CCDC6: variants seen among roughly 807,000 people sequenced by gnomAD.
CCDC6 encodes coiled-coil domain-containing protein 6.
CCDC6 carries 20 observed loss-of-function variants against 56.6 expected under a neutral mutation model. The observed-to-expected ratio is 0.35, with a 90% confidence interval of 0.25 to 0.51. The LOEUF (loss-of-function observed/expected upper bound fraction) is 0.51, where lower values mean the gene tolerates loss of function less well. CCDC6 is among the 20% of genes least tolerant of loss of function. CCDC6 has a pLI of 0.95. For synonymous variants in CCDC6, 241 were observed against 234.4 expected (o/e 1.03, Z -0.26); for missense variants, 367 against 601.1 (o/e 0.61, Z 4.07).
chr10:59,905,632 G>C (rs1269812171), intron 1 of CCDC6, among the ~76,000 whole-genome samples: 4 of 152,132 alleles, frequency 2.6e-5, no homozygotes, highest in Non-Finnish European at 5.9e-5. Context: ...GGGCGATCCA[G>C]CTAGCGCAGT....
intron 3 of CCDC6, among the ~76,000 whole-genome samples, chr10:59,827,889 G>A (rs1388278737): frequency 6.6e-6 from 1 of 152,112 alleles, no homozygotes; most frequent in Non-Finnish European, 1.5e-5. Context: ...CGGATATAGT[G>A]CCCTATTTTT....
intron 5 of CCDC6, among the ~76,000 whole-genome samples, chr10:59,810,303 C>T (rs1217403344): frequency 6.6e-6 from 1 of 152,202 alleles, no homozygotes; most frequent in Non-Finnish European, 1.5e-5. Context: ...CAGCTAAGTG[C>T]CACTGCTGCT....
intron 3 of CCDC6, among the ~76,000 whole-genome samples, chr10:59,828,779 C>T (rs1451353461): frequency 6.6e-6 from 1 of 152,152 alleles, no homozygotes; most frequent in East Asian, 1.9e-4. Flanking sequence ...AGGGAGAGGA[C>T]ATGAGAATAA....
chr10:59,792,955 G>T lies in CCDC6; in HGVS notation c.1387C>A (p.Pro463Thr), dbSNP rs759379134. The T allele has an allele frequency of 3.7e-6, 6 of 1,612,218 alleles. No individual in the cohort carries two copies. Among genetic ancestry groups the T allele is most frequent in the Non-Finnish European group, 4.2e-6 (5 of 1,179,162 alleles). The change falls in exon 9 of 9, where the codon CCT (proline) becomes ACT (threonine). Residue 463 changes from proline (P) to threonine (T), a missense_variant. Physicochemically the swap from Pro to Thr is conservative, Grantham distance 38 (BLOSUM62 -1). Coordinates refer to ENST00000263102, the MANE Select transcript of CCDC6 (RefSeq NM_005436.5). ...VPSAATSQPT[P>T]SQHSAHPSSQ... The stretch of plus-strand genomic sequence containing the variant: ...GAGGGGTGCGCCGAATGTTGCGAAG[G>T]AGTAGGCTGCGAGGTGGCTGCTGAG...
chr10:59,857,623 G>A (rs1163702798), intron 1 of CCDC6, among the ~76,000 whole-genome samples: 1 of 151,706 alleles, frequency 6.6e-6, no homozygotes, highest in Non-Finnish European at 1.5e-5. Flanking sequence ...CAGCCCTATG[G>A]ATATGGTCAG....
At chr10:59,863,544 G>T (rs2071152235) in intron 1 of CCDC6, among the ~76,000 whole-genome samples, 1 of 152,208 alleles carries the variant, frequency 6.6e-6, no homozygotes, top group South Asian at 2.1e-4. Flanking sequence ...GGTTGTGTAG[G>T]GTTGGGGCAG....
intron 3 of CCDC6, among the ~76,000 whole-genome samples, chr10:59,825,102 G>T (rs2070777247): frequency 6.6e-6 from 1 of 152,142 alleles, no homozygotes; most frequent in South Asian, 2.1e-4. Flanking sequence ...ACCCAGTATG[G>T]TCACACTACC....
intron 1 of CCDC6, among the ~76,000 whole-genome samples, chr10:59,904,039 C>T (rs1447297726): frequency 1.3e-5 from 2 of 152,158 alleles, no homozygotes; most frequent in African/African-American, 4.8e-5. Flanking sequence ...ACCACAAGCA[C>T]TTTTTTATGT....
intron 1 of CCDC6, among the ~76,000 whole-genome samples, chr10:59,872,961 G>T (rs1459565571): frequency 1.3e-5 from 2 of 152,144 alleles, no homozygotes; most frequent in Non-Finnish European, 2.9e-5. Context: ...GCTACATTTG[G>T]CAAGCAACCA....
chr10:59,830,681 G>C (rs192114384), intron 3 of CCDC6, among the ~76,000 whole-genome samples: 1 of 152,112 alleles, frequency 6.6e-6, no homozygotes, highest in African/African-American at 2.4e-5. Flanking sequence ...GAGAATATAC[G>C]CTTCAGACTT....
At chr10:59,851,016 A>G (rs2071034217) in intron 2 of CCDC6, among the ~76,000 whole-genome samples, 1 of 151,792 alleles carries the variant, frequency 6.6e-6, no homozygotes, top group Admixed American at 6.6e-5. Flanking sequence ...CCAATTACAG[A>G]CTATACAATC....
chr10:59,843,833 T>G (rs577377223), intron 2 of CCDC6, among the ~76,000 whole-genome samples: 46 of 152,350 alleles, frequency 3.0e-4, no homozygotes, highest in African/African-American at 8.9e-4. Context: ...AGTCTAAGCA[T>G]GCAGCCCTTC....
At chr10:59,875,974 C>CA (rs796760947) in intron 1 of CCDC6, among the ~76,000 whole-genome samples, 121 of 148,072 alleles carry the variant, frequency 8.2e-4, no homozygotes, top group African/African-American at 2.9e-3. Flanking sequence ...TCTGCAATCC[C>CA]AAAAAAAATA....
At chr10:59,850,378 CT>C (rs1268032157) in intron 2 of CCDC6, among the ~76,000 whole-genome samples, 1 of 151,880 alleles carries the variant, frequency 6.6e-6, no homozygotes, top group East Asian at 1.9e-4. Context: ...AATAAAAAGC[CT>C]AAAAACCAAG....
chr10:59,811,606 G>A (rs1285921052), intron 5 of CCDC6, among the ~76,000 whole-genome samples: 1 of 152,172 alleles, frequency 6.6e-6, no homozygotes, highest in Non-Finnish European at 1.5e-5. Context: ...AGGTGTAAAT[G>A]AGTGTGCTCA....
intron 1 of CCDC6, among the ~76,000 whole-genome samples, chr10:59,902,311 G>A (rs1236166246): frequency 6.6e-6 from 1 of 151,392 alleles, no homozygotes; most frequent in East Asian, 1.9e-4. Context: ...GCATAACAGA[G>A]ATATTACTAT....
At chr10:59,892,987 G>A (rs118098789) in intron 1 of CCDC6, among the ~76,000 whole-genome samples, 2,480 of 152,280 alleles carry the variant, frequency 0.016, 29 homozygotes, top group Middle Eastern at 0.044. Flanking sequence ...TAATTTCACA[G>A]ATACTTATGC....
rs765482133 is a variant in CCDC6, at chr10:59,792,950, C to G, written c.1392G>C (p.Ser464=). The part of the protein sequence containing the change: ...PSAATSQPTP[S]QHSAHPSSQP ...GGGAGGAGGGGTGCGCCGAATGTTG[C>G]GAAGGAGTAGGCTGCGAGGTGGCTG... Residue 464 remains serine (S), a synonymous_variant, in exon 9 of 9, where the codon TCG becomes TCC. Transcript: ENST00000263102. 1 of 1,611,044 alleles carries G rather than the reference C, an allele frequency of 6.2e-7. No individual in the cohort carries two copies. The highest frequency in any genetic ancestry group is 8.5e-7 in the Non-Finnish European group (1 of 1,178,594).
At chr10:59,807,186 T>C in intron 5 of CCDC6, 108 bp from the exon 6 acceptor site, 1 of 976,922 alleles carries the variant, frequency 1.0e-6, no homozygotes, top group Middle Eastern at 3.0e-4. Context: ...AGGGAATTGT[T>C]ACAAGATGGT....
Sources: allele counts gnomAD v4.1 joint callset (sites outside exome capture counted in the v4.1 genomes callset), GRCh38; gene constraint gnomAD v4.1.1; transcripts MANE v1.5; gene names NCBI Gene and HGNC (gene_info 2026-07-23, HGNC 2026-07-21).